Variants in NAV1 observed in about 807,000 individuals in gnomAD.
NAV1 encodes the protein pore membrane and/or filament interacting like protein 3.
In NAV1, 18 loss-of-function variants were observed where a neutral mutation model predicts 175.2. The ratio of observed to expected loss-of-function variants is 0.10; its 90% CI spans 0.07 to 0.15. NAV1 has a LOEUF of 0.15. Ranked by LOEUF, NAV1 falls within the 10% of genes least tolerant of loss-of-function variation. The probability of loss-of-function intolerance (pLI) is 1.00; values close to 1 mark genes in which losing one functional copy is unlikely to be tolerated. For synonymous variants in NAV1, 897 were observed against 978.7 expected (o/e 0.92, Z 1.56); for missense variants, 1,731 against 2,436.6 (o/e 0.71, Z 6.10).
chr1:201,730,752 C>T (rs955615443), intron 3 of NAV1, among the ~76,000 whole-genome samples: 8 of 152,256 alleles, frequency 5.3e-5, no homozygotes, highest in Admixed American at 2.6e-4. Flanking sequence ...GCAACCCAAG[C>T]CTCTGTGAAT....
chr1:201,775,973 C>T (rs1167280877), intron 3 of NAV1, among the ~76,000 whole-genome samples: 2 of 152,042 alleles, frequency 1.3e-5, no homozygotes, highest in African/African-American at 4.8e-5. Flanking sequence ...AGAAAGATCA[C>T]TTGAGCCCAG....
intron 2 of NAV1, among the ~76,000 whole-genome samples, chr1:201,602,662 T>G (rs59749665): frequency 0.1 from 12,950 of 128,758 alleles, 891 homozygotes; most frequent in East Asian, 0.45. Flanking sequence ...TTTTTTTTTT[T>G]TTTGGTTTTT....
intron 9 of NAV1, among the ~76,000 whole-genome samples, chr1:201,786,902 C>A (rs1254618033): frequency 1.3e-5 from 2 of 152,300 alleles, no homozygotes; most frequent in East Asian, 3.9e-4. Context: ...GGAAAGGAGC[C>A]ACCACACCCA....
At chr1:201,618,057 C>T (rs1294194113), upstream of NAV1, among the ~76,000 whole-genome samples, 1 of 152,118 alleles carries the variant, frequency 6.6e-6, no homozygotes, top group African/African-American at 2.4e-5. Context: ...GTGCAAGAGG[C>T]CTTACCTTTC....
chr1:201,721,654 C>T (rs994057004), intron 3 of NAV1, among the ~76,000 whole-genome samples: 3 of 152,210 alleles, frequency 2.0e-5, no homozygotes, highest in South Asian at 2.1e-4. Flanking sequence ...ATAGCTTCAG[C>T]GCTTCCCTCC....
chr1:201,636,081 G>A (rs912470639), intron 2 of NAV1, among the ~76,000 whole-genome samples: 2 of 152,218 alleles, frequency 1.3e-5, no homozygotes, highest in Admixed American at 1.3e-4. Context: ...TGAAGATCTG[G>A]CCCCTCAGAT....
intron 28 of NAV1, among the ~76,000 whole-genome samples, chr1:201,816,032 G>A (rs377726015): frequency 1.3e-5 from 2 of 151,566 alleles, no homozygotes; most frequent in Non-Finnish European, 2.9e-5. Flanking sequence ...GCCATCGCAC[G>A]CAGCTGAGAA....
chr1:201,637,878 G>C (rs1035770113), intron 2 of NAV1, among the ~76,000 whole-genome samples: 1 of 152,218 alleles, frequency 6.6e-6, no homozygotes, highest in Non-Finnish European at 1.5e-5. Context: ...CTGAGGCCCA[G>C]TGTGCAATAT....
intron 2 of NAV1, among the ~76,000 whole-genome samples, chr1:201,590,883 T>C (rs931237450): frequency 4.6e-5 from 7 of 152,266 alleles, no homozygotes; most frequent in African/African-American, 1.7e-4. Flanking sequence ...AGCTTGTCGA[T>C]GACTGAGGAT....
rs1455358720 is a variant in NAV1, at chr1:201,642,203, T to TCC, written c.5-6431_5-6430insCC. Among the ~76,000 whole-genome samples the TCC allele has an allele frequency of 9.3e-4, 131 of 140,602 alleles. 1 individual carries two copies. The highest frequency in any genetic ancestry group is 1.7e-3 in the Non-Finnish European group (109 of 65,416). 92.2% of individuals were successfully genotyped at this position (140,602 alleles called of 152,430 possible). On this transcript the variant is annotated intron_variant, in intron 2 of 29. Coordinates refer to the NAV1 transcript ENST00000367302. The stretch of plus-strand genomic sequence containing the variant: ...TTCCTTCCTTCCCTCCTTTCTTCCT[T>TCC]TCTTCCTTCCCTCCTTTCTTCCTTT...
chr1:201,575,669 C>T (rs1280235148), intron 1 of NAV1, among the ~76,000 whole-genome samples: 2 of 152,118 alleles, frequency 1.3e-5, no homozygotes, highest in African/African-American at 4.8e-5. Context: ...CAAAAATGAA[C>T]ATGAGTCCTG....
intron 3 of NAV1, among the ~76,000 whole-genome samples, chr1:201,720,298 G>A (rs765878656): frequency 2.0e-5 from 3 of 152,212 alleles, no homozygotes; most frequent in African/African-American, 7.2e-5. Flanking sequence ...CAAGCCCTGC[G>A]GGGCTGAGTC....
intron 1 of NAV1, among the ~76,000 whole-genome samples, chr1:201,671,394 C>G (rs531243706): frequency 1.3e-3 from 200 of 152,010 alleles, no homozygotes; most frequent in Non-Finnish European, 2.2e-3. Flanking sequence ...CCTGCCCCAC[C>G]CCACCTACAC....
intron 1 of NAV1, among the ~76,000 whole-genome samples, chr1:201,702,824 T>A (rs1009204038): frequency 6.6e-6 from 1 of 152,140 alleles, no homozygotes; most frequent in African/African-American, 2.4e-5. Context: ...TGCTGTTATA[T>A]GTCCTTGGAC....
At chr1:201,662,903 C>G (rs1048122905) in intron 1 of NAV1, among the ~76,000 whole-genome samples, 2 of 79,488 alleles carry the variant, frequency 2.5e-5, no homozygotes, top group African/African-American at 4.6e-5. Flanking sequence ...CTGGAGCCAG[C>G]TTAAACAAAA....
At chr1:201,713,699 T>C (rs935681423) in intron 2 of NAV1, among the ~76,000 whole-genome samples, 2 of 152,028 alleles carry the variant, frequency 1.3e-5, no homozygotes, top group Non-Finnish European at 2.9e-5. Context: ...GACAGCCAGA[T>C]TGGGAAATCA....
At chr1:201,648,000 A>C (rs1669032118), upstream of NAV1, among the ~76,000 whole-genome samples, 1 of 148,224 alleles carries the variant, frequency 6.7e-6, no homozygotes, top group Non-Finnish European at 1.5e-5. Flanking sequence ...CTTTTCCTTT[A>C]TTTCCCCCTA....
chr1:201,557,477 G>C (rs1333517736), intron 1 of NAV1, among the ~76,000 whole-genome samples: 2 of 152,162 alleles, frequency 1.3e-5, no homozygotes, highest in Admixed American at 1.3e-4. Flanking sequence ...CACTTACAAA[G>C]CTGCACTGTG....
chr1:201,808,916 G>C lies in NAV1; in HGVS notation c.4207+45G>C. 6.3e-7 allele frequency: 1 copy of C among 1,578,564 alleles called. No individual in the cohort carries two copies. The highest frequency in any genetic ancestry group is 8.6e-7 in the Non-Finnish European group (1 of 1,161,540). ...ATCTATAAGGGTGAAGGGAAGAAAAGGGCTTATTTCACTGTTACACCATTC... is the reference window on the plus strand; with the variant it reads ...ATCTATAAGGGTGAAGGGAAGAAAACGGCTTATTTCACTGTTACACCATTC... On this transcript the variant is annotated intron_variant, in intron 20 of 29. Coordinates refer to ENST00000367296, the Ensembl canonical transcript of NAV1. This position sits in a 1 kb window ranked among gnomAD's most constrained non-coding sequence, Gnocchi z 5.5.
Sources: gnomAD v4.1 joint callset for allele counts (sites outside exome capture counted in the v4.1 genomes callset) on GRCh38, gnomAD v4.1.1 for gene constraint, Gnocchi (gnomAD v3.1) non-coding constraint, MANE v1.5 for transcripts, NCBI Gene and HGNC (gene_info 2026-07-23, HGNC 2026-07-21) for gene names.